The following C12orf42 variants were observed in gnomAD, a reference collection of about 807,000 sequenced individuals.
The protein encoded by C12orf42 is chromosome 12 open reading frame 42, also known as uncharacterized protein C12orf42.
A neutral mutation model predicts 21.6 loss-of-function variants in C12orf42; 25 were observed. The ratio of observed to expected loss-of-function variants is 1.16; its 90% CI spans 0.84 to 1.62. C12orf42 has a LOEUF of 1.62. Ranked by LOEUF, C12orf42 falls within the 40% of genes most tolerant of loss-of-function variation. The pLI is 0.00. For synonymous variants in C12orf42, 174 were observed against 175.0 expected, an observed-to-expected ratio of 0.99 and a Z score of 0.05; for missense variants, 483 against 459.3, an observed-to-expected ratio of 1.05 and a Z score of -0.47.
chr12:103,129,100 A>G, the C12orf42 span, among the ~76,000 whole-genome samples: 2 of 152,144 alleles, frequency 1.3e-5, no homozygotes, highest in Admixed American at 6.5e-5. Flanking sequence ...CAACCACTCT[A>G]TCTTTGATCT....
chr12:103,127,181 C>G, the C12orf42 span, among the ~76,000 whole-genome samples: 8 of 152,084 alleles, frequency 5.3e-5, no homozygotes, highest in African/African-American at 1.9e-4. Flanking sequence ...AGGTCATCAG[C>G]CAAGAAATGC....
At chr12:103,225,246 A>G in the C12orf42 span, among the ~76,000 whole-genome samples, 2 of 152,224 alleles carry the variant, frequency 1.3e-5, no homozygotes, top group Non-Finnish European at 2.9e-5. Flanking sequence ...GTGGATAGGC[A>G]AAACAATTTG....
the C12orf42 span, among the ~76,000 whole-genome samples, chr12:103,230,675 C>T: frequency 0.029 from 4,425 of 152,190 alleles, 217 homozygotes; most frequent in African/African-American, 0.1. Flanking sequence ...TATTCATTCC[C>T]GAAATTATTG....
At chr12:103,450,015 A>G (rs1268781611) in intron 2 of C12orf42, among the ~76,000 whole-genome samples, 1 of 151,880 alleles carries the variant, frequency 6.6e-6, no homozygotes, top group Admixed American at 6.6e-5. Flanking sequence ...TGTAAATGAT[A>G]TCTTGTATTA....
intron 2 of C12orf42, among the ~76,000 whole-genome samples, chr12:103,418,594 C>T (rs1427080533): frequency 6.6e-6 from 1 of 151,584 alleles, no homozygotes; most frequent in African/African-American, 2.4e-5. Flanking sequence ...TGCTTTAATG[C>T]TTTCTTCAGT....
chr12:103,249,122 T>C (rs2034154286), intron 10 of C12orf42, among the ~76,000 whole-genome samples: 1 of 151,890 alleles, frequency 6.6e-6, no homozygotes, highest in Non-Finnish European at 1.5e-5. Flanking sequence ...AGGGAGGTCA[T>C]ATTAGAAGGA....
intron 10 of C12orf42, among the ~76,000 whole-genome samples, chr12:103,253,624 T>C (rs183051013): frequency 2.6e-5 from 4 of 152,288 alleles, no homozygotes; most frequent in Admixed American, 2.6e-4. Flanking sequence ...ATTTGGTGTA[T>C]AGGAACGCTT....
upstream of C12orf42, among the ~76,000 whole-genome samples, chr12:103,498,139 C>A (rs1955619268): frequency 6.6e-6 from 1 of 152,016 alleles, no homozygotes; most frequent in Admixed American, 6.6e-5. Context: ...GGATGTCAAC[C>A]TTAAAAAGAG....
rs114897396 is a variant in C12orf42, at chr12:103,351,844, T to A, written c.259+17043A>T. ...TAATTTCAGTCTATTGAGGAAATAC[T>A]GAAGAAGGTTTAGATTCACAAGACA... On this transcript the variant is annotated intron_variant, in intron 4 of 5. Transcript: ENST00000548883. Among the ~76,000 whole-genome samples the A allele has an allele frequency of 3.3e-3, 503 of 152,292 alleles. 3 individuals carry two copies. Among genetic ancestry groups the A allele is most frequent in the African/African-American group, 0.011 (477 of 41,568 alleles).
intron 3 of C12orf42, among the ~76,000 whole-genome samples, chr12:103,392,516 C>T (rs1308997931): frequency 2.0e-5 from 3 of 152,176 alleles, no homozygotes; most frequent in Non-Finnish European, 2.9e-5. Context: ...AGCTGTTTTA[C>T]AGTTTTCAAC....
At chr12:103,268,566 A>T (rs555234467) in exon 7 of C12orf42, 2 of 152,090 alleles carry the variant, frequency 1.3e-5, no homozygotes, top group South Asian at 4.1e-4. Context: ...GTTGAATCAC[A>T]AATCCTCCTG....
At chr12:103,355,262 G>A (rs543658182) in intron 4 of C12orf42, among the ~76,000 whole-genome samples, 1 of 152,176 alleles carries the variant, frequency 6.6e-6, no homozygotes, top group Non-Finnish European at 1.5e-5. Flanking sequence ...ATCTGCTTAT[G>A]AGCAGTCTTA....
chr12:103,185,993 C>T, the C12orf42 span, among the ~76,000 whole-genome samples: 6 of 152,206 alleles, frequency 3.9e-5, no homozygotes, highest in Non-Finnish European at 8.8e-5. Context: ...TTCTATTTGG[C>T]CATCCTCAAC....
chr12:103,283,223 G>T (rs1227404045), intron 4 of C12orf42, among the ~76,000 whole-genome samples: 1 of 152,188 alleles, frequency 6.6e-6, no homozygotes, highest in South Asian at 2.1e-4. Flanking sequence ...TAGGCATGGA[G>T]TAAGGTGCTG....
At chr12:103,138,662 A>C in the C12orf42 span, among the ~76,000 whole-genome samples, 1 of 152,174 alleles carries the variant, frequency 6.6e-6, no homozygotes, top group Admixed American at 6.5e-5. Flanking sequence ...CTTTCTGAGA[A>C]ATCAATGTCA....
At chr12:103,441,878 C>T (rs970683371) in intron 2 of C12orf42, among the ~76,000 whole-genome samples, 3 of 152,180 alleles carry the variant, frequency 2.0e-5, no homozygotes, top group Non-Finnish European at 2.9e-5. Flanking sequence ...CATGGTGGCT[C>T]ATCTCTGTAA....
the C12orf42 span, among the ~76,000 whole-genome samples, chr12:103,518,632 G>A: frequency 6.6e-6 from 1 of 152,072 alleles, no homozygotes; most frequent in Admixed American, 6.6e-5. Context: ...CCTTGAAAAG[G>A]ACATATAAAG....
chr12:103,530,056 T>C, the C12orf42 span, among the ~76,000 whole-genome samples: 1 of 152,222 alleles, frequency 6.6e-6, no homozygotes, highest in Non-Finnish European at 1.5e-5. Flanking sequence ...GACTTGACTT[T>C]AGGCTTTGAA....
At chr12:103,341,497 G>A (rs1282517339) in intron 4 of C12orf42, among the ~76,000 whole-genome samples, 1 of 152,078 alleles carries the variant, frequency 6.6e-6, no homozygotes, top group Non-Finnish European at 1.5e-5. Flanking sequence ...AAGATTTACA[G>A]ATAATGAGCC....
Sources: gnomAD v4.1 joint callset for allele counts (sites outside exome capture counted in the v4.1 genomes callset) on GRCh38, gnomAD v4.1.1 for gene constraint, MANE v1.5 for transcripts, NCBI Gene and HGNC (gene_info 2026-07-23, HGNC 2026-07-21) for gene names.